The following FAAP20 variants were observed in gnomAD, a reference collection of about 807,000 sequenced individuals.
FAAP20 encodes FA core complex associated protein 20.
In FAAP20, 12 loss-of-function variants were observed where a neutral mutation model predicts 16.2. The observed-to-expected ratio is 0.74, with a 90% CI of 0.48 to 1.20. FAAP20 has a LOEUF of 1.20. Among genes scored for constraint, FAAP20 ranks in the 50% most tolerant of loss-of-function variants. The pLI is 0.00. For missense variants in FAAP20, 288 were observed against 245.8 expected, an observed-to-expected ratio of 1.17 and a Z score of -1.15; for synonymous variants, 141 against 110.7, an observed-to-expected ratio of 1.27 and a Z score of -1.72.
downstream of FAAP20, among the ~76,000 whole-genome samples, chr1:2,208,936 G>A (rs1232178065): frequency 2.6e-5 from 4 of 152,184 alleles, no homozygotes; most frequent in African/African-American, 9.7e-5. Flanking sequence ...GGGAGTCATG[G>A]GCTCAAGCAC....
At chr1:2,201,191 TG>T, upstream of FAAP20, 1 of 1,244,462 alleles carries the variant, frequency 8.0e-7, no homozygotes, top group African/African-American at 1.5e-5. Flanking sequence ...AGAGGAGCCG[TG>T]GGGTGGCTCC....
chr1:2,186,553 A>C (rs1404374627), downstream of FAAP20, among the ~76,000 whole-genome samples: 1 of 131,674 alleles, frequency 7.6e-6, no homozygotes, highest in African/African-American at 2.9e-5. Flanking sequence ...TTTCAGCCAC[A>C]CTCCCAACCT....
At chr1:2,190,730 C>T (rs1364201601) in intron 3 of FAAP20, 1 of 309,804 alleles carries the variant, frequency 3.2e-6, no homozygotes, top group Non-Finnish European at 6.5e-6. Context: ...ATCAGAGTGA[C>T]CATCCCTCAC....
chr1:2,190,146 G>C (rs1390535866), intron 3 of FAAP20: 2 of 504,612 alleles, frequency 4.0e-6, no homozygotes, highest in Non-Finnish European at 7.7e-6. Context: ...ACGGCGGGTG[G>C]CCTGCCAGGG....
upstream of FAAP20, among the ~76,000 whole-genome samples, chr1:2,201,792 C>T (rs544013627): frequency 1.3e-5 from 2 of 151,880 alleles, no homozygotes; most frequent in South Asian, 2.1e-4. Flanking sequence ...CCAAGGCAGG[C>T]GGATCACGAA....
upstream of FAAP20, chr1:2,199,321 GC>G (rs893314415): frequency 9.6e-7 from 1 of 1,041,018 alleles, no homozygotes; most frequent in Non-Finnish European, 1.2e-6. This position sits in a 1 kb window ranked among gnomAD's most constrained non-coding sequence, Gnocchi z 4.5. Context: ...GCACCACTCA[GC>G]CCCCACCCAG....
upstream of FAAP20, chr1:2,203,408 C>T: frequency 2.0e-6 from 2 of 985,686 alleles, no homozygotes; most frequent in African/African-American, 1.7e-5. Flanking sequence ...CTGGGCACAG[C>T]TGCACTGACT....
At chr1:2,194,984 C>A (rs1380223392), upstream of FAAP20, among the ~76,000 whole-genome samples, 4 of 152,026 alleles carry the variant, frequency 2.6e-5, no homozygotes, top group African/African-American at 9.7e-5. Context: ...GGGAGCCCCG[C>A]CCGTGTCCCC....
upstream of FAAP20, chr1:2,199,494 G>A (rs912559177): frequency 3.0e-6 from 3 of 991,048 alleles, no homozygotes; most frequent in African/African-American, 1.7e-5. The surrounding 1 kb of genome is among the most constrained non-coding windows in gnomAD (Gnocchi z 4.5). Flanking sequence ...CCAGGAGGGC[G>A]GTCCTGTGTG....
At chr1:2,212,572 A>C (rs1013022126) in exon 1 of FAAP20, 4 of 167,144 alleles carry the variant, frequency 2.4e-5, no homozygotes, top group African/African-American at 9.6e-5. Flanking sequence ...GCGGCAGGAA[A>C]GGGAGAGATG....
chr1:2,190,004 T>A, intron 3 of FAAP20: 1 of 615,758 alleles, frequency 1.6e-6, no homozygotes, highest in Non-Finnish European at 3.0e-6. Flanking sequence ...GCCAGGCCCC[T>A]GCGTCCGAGC....
upstream of FAAP20, among the ~76,000 whole-genome samples, chr1:2,204,231 C>T (rs1321914614): frequency 2.6e-5 from 4 of 152,248 alleles, no homozygotes; most frequent in Non-Finnish European, 5.9e-5. Flanking sequence ...AGTGTCCCTC[C>T]GGTGACCCCA....
downstream of FAAP20, among the ~76,000 whole-genome samples, chr1:2,211,636 T>A (rs917018029): frequency 2.0e-5 from 3 of 148,256 alleles, no homozygotes; most frequent in Non-Finnish European, 4.5e-5. Flanking sequence ...TTTTTAGTAG[T>A]GACGGGGTTT....
downstream of FAAP20, chr1:2,184,594 G>A (rs930279604): frequency 2.5e-6 from 4 of 1,613,688 alleles, no homozygotes; most frequent in Non-Finnish European, 2.5e-6. Context: ...TGGAGAAGAA[G>A]CAGGCGCTCC....
upstream of FAAP20, chr1:2,203,597 CAGA>C (rs1314935027): frequency 2.5e-5 from 25 of 985,898 alleles, no homozygotes; most frequent in Non-Finnish European, 2.9e-5. Flanking sequence ...CCACATTTCT[CAGA>C]AGGACTCCAG....
At chr1:2,188,854 A>G (rs1472996563), downstream of FAAP20, among the ~76,000 whole-genome samples, 1 of 151,694 alleles carries the variant, frequency 6.6e-6, no homozygotes, top group Non-Finnish European at 1.5e-5. Flanking sequence ...AAACACAAAA[A>G]ATTAGCCGGG....
upstream of FAAP20, chr1:2,199,002 A>AG (rs2100726806): frequency 7.9e-7 from 1 of 1,273,818 alleles, no homozygotes; most frequent in African/African-American, 1.5e-5. This position sits in a 1 kb window ranked among gnomAD's most constrained non-coding sequence, Gnocchi z 4.5. Context: ...GTGCAAGAGT[A>AG]GGGGTGTGCC....
intron 3 of FAAP20, chr1:2,190,255 G>A (rs1343606631): frequency 2.2e-5 from 10 of 457,036 alleles, no homozygotes; most frequent in African/African-American, 4.0e-5. Context: ...CTGGCGAGGA[G>A]GGACCAAGCC....
chr1:2,197,941 C>G (rs888596332), upstream of FAAP20: 1 of 1,254,014 alleles, frequency 8.0e-7, no homozygotes, highest in Non-Finnish European at 1.0e-6. Context: ...AGCCGAGGGC[C>G]TGGAAGGGGA....
Sources: allele counts gnomAD v4.1 joint callset (sites outside exome capture counted in the v4.1 genomes callset), GRCh38; gene constraint gnomAD v4.1.1; non-coding constraint Gnocchi (gnomAD v3.1); transcripts MANE v1.5; gene names NCBI Gene and HGNC (gene_info 2026-07-23, HGNC 2026-07-21).